The following PATJ variants were observed in gnomAD, a reference collection of about 807,000 sequenced individuals.
The protein encoded by PATJ is PATJ crumbs cell polarity complex component, also known as inaD-like protein.
PATJ carries 190 observed loss-of-function variants against 224.9 expected under a neutral mutation model. The observed-to-expected ratio is 0.84, with a 90% CI of 0.75 to 0.95. The LOEUF (loss-of-function observed/expected upper bound fraction) is 0.95. Ranked by LOEUF, PATJ falls within the 40% of genes least tolerant of loss-of-function variation. The pLI is 0.00. For synonymous variants in PATJ, 769 were observed against 820.3 expected (o/e 0.94, Z 1.07); for missense variants, 2,121 against 2,270.3 (o/e 0.93, Z 1.34).
At chr1:62,131,702 A>G (rs1666281126) in intron 41 of PATJ, among the ~76,000 whole-genome samples, 3 of 152,046 alleles carry the variant, frequency 2.0e-5, no homozygotes, top group Admixed American at 1.3e-4. Context: ...CAGGAAGATC[A>G]CTTGAGCCCA....
At chr1:61,861,499 C>T in intron 18 of PATJ, 52 bp from the exon 19 acceptor site, 1 of 836,152 alleles carries the variant, frequency 1.2e-6, no homozygotes, top group Non-Finnish European at 1.9e-6. Flanking sequence ...CCCCTTGCTC[C>T]CCACCCCACA....
rs1664631057 is a variant in PATJ at position 61,861,621 on chromosome 1, G to A, written c.2393G>A (p.Gly798Glu). The A allele has an allele frequency of 4.0e-6, 6 of 1,486,594 alleles. No homozygotes were observed. Among genetic ancestry groups the A allele is most frequent in the Middle Eastern group, 3.5e-4 (2 of 5,758 alleles). 92.1% of individuals were successfully genotyped at this position (1,486,594 alleles called of 1,614,324 possible). A position where few individuals can be genotyped will look rare whatever the true frequency, so the allele number is the denominator to read the frequency against. The change falls in exon 19 of 44, where the codon GGA (glycine) becomes GAA (glutamate). Residue 798 changes from glycine (G) to glutamate (E), a missense_variant. Physicochemically the swap from Gly to Glu is moderately conservative, Grantham distance 98 (BLOSUM62 -2). Coordinates refer to ENST00000642238, the MANE Select transcript of PATJ (RefSeq NM_001350145.3). ...AATGAAGACAAGACTGAATTTTCAG[G>A]AACAATTCATGATATAAATTCATCT... is the stretch of plus-strand genomic sequence containing the variant. ...SSNEDKTEFS[G>E]TIHDINSSLI...
chr1:61,928,392 T>G (rs886988156), intron 27 of PATJ, among the ~76,000 whole-genome samples: 2 of 152,214 alleles, frequency 1.3e-5, no homozygotes, highest in African/African-American at 2.4e-5. Context: ...AAATTTCTTT[T>G]GGAGGTGATG....
At chr1:61,910,278 G>A (rs1475125606) in intron 25 of PATJ, among the ~76,000 whole-genome samples, 2 of 152,162 alleles carry the variant, frequency 1.3e-5, no homozygotes, top group Non-Finnish European at 2.9e-5. Flanking sequence ...AGTGAGCTGA[G>A]GTGGAAACTT....
chr1:62,008,672 CT>C (rs1272938353), intron 28 of PATJ, among the ~76,000 whole-genome samples: 1 of 152,120 alleles, frequency 6.6e-6, no homozygotes, highest in Non-Finnish European at 1.5e-5. Context: ...TTGTTTGAGT[CT>C]GGGCGGTCAA....
intron 31 of PATJ, chr1:62,072,929 C>A: frequency 1.8e-6 from 1 of 548,146 alleles, no homozygotes. Flanking sequence ...TTGTAGTAGA[C>A]TGAAGCCCAA....
At chr1:61,819,081 T>C (rs1464561096) in intron 14 of PATJ, among the ~76,000 whole-genome samples, 1 of 152,132 alleles carries the variant, frequency 6.6e-6, no homozygotes, top group Non-Finnish European at 1.5e-5. Context: ...TTTGCTCACC[T>C]CCCACAGCCA....
chr1:61,901,673 C>A (rs983180989), intron 24 of PATJ, among the ~76,000 whole-genome samples: 7 of 152,132 alleles, frequency 4.6e-5, no homozygotes, highest in African/African-American at 1.7e-4. Context: ...ATAAAAACTT[C>A]AGCTGATTGC....
intron 34 of PATJ, 23 bp from the exon 35 acceptor site, chr1:62,114,030 G>A (rs781261174): frequency 1.2e-6 from 2 of 1,610,982 alleles, no homozygotes; most frequent in Non-Finnish European, 1.7e-6. Flanking sequence ...CAGCAGCCCA[G>A]CTCAGGATGC....
rs1020691187 is a variant in PATJ at position 61,884,301 on chromosome 1, G to C, written c.3024G>C (p.Arg1008Ser). 11 of 1,613,628 alleles carry C rather than the reference G, an allele frequency of 6.8e-6. No individual in the cohort carries two copies. The highest frequency in any genetic ancestry group is 1.3e-5 in the African/African-American group (1 of 74,866). The change falls in exon 22 of 44, where the codon AGG (arginine) becomes AGC (serine). Residue 1008 changes from arginine (R) to serine (S), a missense_variant. Coordinates refer to ENST00000642238, the MANE Select transcript of PATJ (RefSeq NM_001350145.3). ...TTGACCTTCCTGTTGTGGCTCAAAG[G>C]AGGGAGCAAGAAGATTTGCCTTTAT... ...LLIDLPVVAQ[R>S]REQEDLPLYQ...
chr1:61,843,414 T>C (rs1356096315), intron 17 of PATJ, among the ~76,000 whole-genome samples: 1 of 152,142 alleles, frequency 6.6e-6, no homozygotes. Flanking sequence ...AGAAGTAATA[T>C]TTGCTTTATA....
chr1:62,041,332 GCCT>G (rs1447275147), intron 30 of PATJ, among the ~76,000 whole-genome samples: 2 of 152,166 alleles, frequency 1.3e-5, no homozygotes, highest in African/African-American at 4.8e-5. Flanking sequence ...CTTCCTAATT[GCCT>G]TCAGCTCATG....
At position 62,121,296 on chromosome 1, in the gene PATJ, G is replaced by A. The variant is rs1309425082; in HGVS notation, c.5005+1G>A. On this transcript the variant is annotated splice_donor_variant, in intron 38 of 43. Coordinates refer to ENST00000642238, the MANE Select transcript of PATJ (RefSeq NM_001350145.3). LOFTEE classifies it high-confidence loss of function. ...TCAGATCCTTCCCAGAAAAATTCAG[G>A]TATTACACGGACACACCCAGAGCAA... The A allele has an allele frequency of 3.2e-6, 5 of 1,583,280 alleles. No homozygotes were observed. Among genetic ancestry groups the A allele is most frequent in the South Asian group, 1.1e-5 (1 of 90,338 alleles).
intron 43 of PATJ, among the ~76,000 whole-genome samples, chr1:62,157,010 G>A (rs1409653531): frequency 1.3e-5 from 2 of 151,448 alleles, no homozygotes; most frequent in Non-Finnish European, 2.9e-5. Flanking sequence ...GTGTAACTCA[G>A]TATCAGAATT....
At chr1:61,903,919 C>T (rs1345627715) in intron 24 of PATJ, among the ~76,000 whole-genome samples, 1 of 151,870 alleles carries the variant, frequency 6.6e-6, no homozygotes, top group Non-Finnish European at 1.5e-5. Context: ...ATTACAGGCA[C>T]CCACCACCAC....
intron 30 of PATJ, among the ~76,000 whole-genome samples, chr1:62,048,363 T>C (rs951054485): frequency 6.6e-6 from 1 of 151,854 alleles, no homozygotes. Flanking sequence ...CTAGCCAACA[T>C]GGCGAAACCC....
intron 27 of PATJ, chr1:61,952,034 G>A (rs1174136981): frequency 1.2e-5 from 3 of 251,200 alleles, no homozygotes; most frequent in Non-Finnish European, 2.3e-5. Flanking sequence ...TTATCCTGAG[G>A]CGAGCAGGGT....
chr1:61,853,168 G>C (rs1028224052), intron 17 of PATJ, among the ~76,000 whole-genome samples: 13 of 152,296 alleles, frequency 8.5e-5, no homozygotes, highest in Non-Finnish European at 1.9e-4. Context: ...GCCTCACTTT[G>C]TGTAAATTAG....
chr1:61,810,000 A>G (rs560259347), intron 14 of PATJ, among the ~76,000 whole-genome samples: 2 of 151,746 alleles, frequency 1.3e-5, no homozygotes, highest in East Asian at 2.0e-4. Flanking sequence ...GACATGTGTC[A>G]CCACCCCCGG....
Sources: gnomAD v4.1 joint callset for allele counts (sites outside exome capture counted in the v4.1 genomes callset) on GRCh38, gnomAD v4.1.1 for gene constraint, MANE v1.5 for transcripts, NCBI Gene and HGNC (gene_info 2026-07-23, HGNC 2026-07-21) for gene names.